Variants in TMTC2 observed in about 807,000 individuals in gnomAD.
TMTC2 encodes transmembrane O-mannosyltransferase targeting cadherins 2, also known as protein O-mannosyl-transferase TMTC2.
A neutral mutation model predicts 82.4 loss-of-function variants in TMTC2; 43 were observed. The ratio of observed to expected loss-of-function variants is 0.52; its 90% CI spans 0.41 to 0.67. The LOEUF is 0.67. Among genes scored for constraint, TMTC2 ranks in the 30% least tolerant of loss-of-function variants. The pLI, the probability that TMTC2 is intolerant of heterozygous loss-of-function variation, is 0.00. For missense variants in TMTC2, 919 were observed against 1,012.4 expected (o/e 0.91, Z 1.25); for synonymous variants, 408 against 381.9 (o/e 1.07, Z -0.80).
intron 1 of TMTC2, among the ~76,000 whole-genome samples, chr12:82,701,162 C>A (rs1472099047): frequency 6.6e-6 from 1 of 151,836 alleles, no homozygotes; most frequent in Non-Finnish European, 1.5e-5. Context: ...GATTTTTTAC[C>A]GTATTGTAAG....
At chr12:82,971,605 A>G (rs1450650353) in intron 7 of TMTC2, among the ~76,000 whole-genome samples, 3 of 152,098 alleles carry the variant, frequency 2.0e-5, no homozygotes, top group South Asian at 2.1e-4. Flanking sequence ...TTTTACGCCT[A>G]TTTACTATTT....
intron 1 of TMTC2, among the ~76,000 whole-genome samples, chr12:82,768,720 G>C (rs151310823): frequency 1.7e-4 from 26 of 151,940 alleles, no homozygotes; most frequent in African/African-American, 6.3e-4. Flanking sequence ...GTTGATGCAG[G>C]ATTTTCTACA....
At chr12:83,046,027 A>G (rs1437867241) in intron 9 of TMTC2, among the ~76,000 whole-genome samples, 1 of 152,042 alleles carries the variant, frequency 6.6e-6, no homozygotes, top group African/African-American at 2.4e-5. Context: ...GCCCTCTCCC[A>G]AGTGTACTTT....
At chr12:82,940,806 C>T (rs1876676722) in intron 4 of TMTC2, among the ~76,000 whole-genome samples, 2 of 151,980 alleles carry the variant, frequency 1.3e-5, no homozygotes, top group South Asian at 2.1e-4. Flanking sequence ...TTTCTGGATA[C>T]CTCTCCCACT....
At chr12:82,730,860 A>G (rs934997691) in intron 1 of TMTC2, among the ~76,000 whole-genome samples, 1 of 152,184 alleles carries the variant, frequency 6.6e-6, no homozygotes, top group African/African-American at 2.4e-5. Context: ...CTAGAGAGGT[A>G]AAATCAAACG....
rs149462852 is a variant in TMTC2, at chr12:82,834,922, G to C, written c.84-22088G>C. 9.9e-3 allele frequency among the ~76,000 whole-genome samples: 1,507 copies of C among 151,654 alleles called. 19 individuals are homozygous for C. Among genetic ancestry groups the C allele is most frequent in the African/African-American group, 0.035 (1,427 of 41,172 alleles). The stretch of plus-strand genomic sequence containing the variant: ...AGATGCAATCTTGCCCTGTCGCCCA[G>C]GCTGGAGTGCGGTGGTGCTATCTCG... On this transcript the variant is annotated intron_variant, in intron 1 of 11. Transcript: ENST00000321196.
chr12:83,107,411 A>T (rs1030389974), intron 11 of TMTC2, among the ~76,000 whole-genome samples: 5 of 152,172 alleles, frequency 3.3e-5, no homozygotes, highest in Non-Finnish European at 7.4e-5. Flanking sequence ...CTGCATCATA[A>T]CATGGCAGGG....
intron 11 of TMTC2, among the ~76,000 whole-genome samples, chr12:83,076,895 C>T (rs548071570): frequency 5.9e-5 from 9 of 152,214 alleles, no homozygotes; most frequent in African/African-American, 1.7e-4. Context: ...TCATATTATA[C>T]CTTATCCTAA....
At chr12:82,810,838 C>T (rs1868360563) in intron 1 of TMTC2, among the ~76,000 whole-genome samples, 1 of 152,158 alleles carries the variant, frequency 6.6e-6, no homozygotes, top group Non-Finnish European at 1.5e-5. Flanking sequence ...GGGCACTTCT[C>T]TTACCTGCTA....
At chr12:83,069,548 G>T (rs544934465) in intron 11 of TMTC2, among the ~76,000 whole-genome samples, 1 of 152,110 alleles carries the variant, frequency 6.6e-6, no homozygotes, top group Admixed American at 6.6e-5. Flanking sequence ...GGGATTGTTT[G>T]ATTTTTTCTT....
chr12:83,057,106 G>A (rs1882572203), intron 10 of TMTC2, among the ~76,000 whole-genome samples: 2 of 151,814 alleles, frequency 1.3e-5, no homozygotes, highest in Admixed American at 6.6e-5. Context: ...TTTACTACAT[G>A]TGAATATAAC....
chr12:82,871,798 C>A (rs1405045210), intron 2 of TMTC2, among the ~76,000 whole-genome samples: 3 of 150,794 alleles, frequency 2.0e-5, no homozygotes, highest in Non-Finnish European at 4.4e-5. Context: ...CAATGCTGCT[C>A]ATGTGAGGAG....
At chr12:82,938,737 G>A (rs191230660) in intron 4 of TMTC2, among the ~76,000 whole-genome samples, 21 of 152,200 alleles carry the variant, frequency 1.4e-4, no homozygotes, top group Admixed American at 4.6e-4. Flanking sequence ...AGTATATAAC[G>A]TTCATTTTGT....
intron 4 of TMTC2, among the ~76,000 whole-genome samples, chr12:82,940,728 C>T (rs1438714222): frequency 6.8e-6 from 1 of 146,972 alleles, no homozygotes; most frequent in East Asian, 2.0e-4. Context: ...CTATCCTACC[C>T]CCACCTTTTT....
chr12:83,112,173 A>G (rs1482258905), intron 11 of TMTC2, among the ~76,000 whole-genome samples: 1 of 152,172 alleles, frequency 6.6e-6, no homozygotes, highest in African/African-American at 2.4e-5. Context: ...TTCCATTTTT[A>G]TAAATTTCTT....
intron 11 of TMTC2, among the ~76,000 whole-genome samples, chr12:83,095,517 G>A (rs2049547184): frequency 2.0e-5 from 3 of 152,116 alleles, no homozygotes; most frequent in Admixed American, 2.0e-4. Flanking sequence ...TGGGATTACA[G>A]GCATGAGCCA....
chr12:82,858,646 CT>C (rs777246202), intron 2 of TMTC2, among the ~76,000 whole-genome samples: 1,753 of 144,096 alleles, frequency 0.012, 37 homozygotes, highest in African/African-American at 0.039. Flanking sequence ...TTTAAATGCC[CT>C]TTTTTTTTTT....
At chr12:82,914,946 C>T (rs182186529) in intron 3 of TMTC2, among the ~76,000 whole-genome samples, 427 of 151,706 alleles carry the variant, frequency 2.8e-3, no homozygotes, top group African/African-American at 0.01. Context: ...CTTCCTCAGC[C>T]TCCTGAGTAG....
chr12:82,885,609 A>T (rs1298278778), intron 2 of TMTC2, among the ~76,000 whole-genome samples: 2 of 151,434 alleles, frequency 1.3e-5, no homozygotes, highest in African/African-American at 2.4e-5. Context: ...GCCTTGAGTG[A>T]TTCCCCCCAC....
Sources: gnomAD v4.1 joint callset for allele counts (sites outside exome capture counted in the v4.1 genomes callset) on GRCh38, gnomAD v4.1.1 for gene constraint, MANE v1.5 for transcripts, NCBI Gene and HGNC (gene_info 2026-07-23, HGNC 2026-07-21) for gene names.